Variants in NME7 observed in about 807,000 individuals in gnomAD.
The protein encoded by NME7 is nucleoside diphosphate kinase 7.
In NME7, 41 loss-of-function variants were observed where a neutral mutation model predicts 49.1. The ratio of observed to expected loss-of-function variants is 0.83; its 90% CI spans 0.65 to 1.08. The LOEUF is 1.08. NME7 is among the 50% of genes least tolerant of loss of function. The probability of loss-of-function intolerance (pLI) is 0.00; values close to 1 mark genes in which losing one functional copy is unlikely to be tolerated. For missense variants in NME7, 423 were observed against 463.4 expected (o/e 0.91, Z 0.80); for synonymous variants, 139 against 150.6 (o/e 0.92, Z 0.56).
At chr1:169,311,745 A>G (rs1436898381) in intron 3 of NME7, among the ~76,000 whole-genome samples, 1 of 152,218 alleles carries the variant, frequency 6.6e-6, no homozygotes, top group East Asian at 1.9e-4. Flanking sequence ...AAAATAAAAC[A>G]TGGCAGTAGT....
At chr1:169,252,075 C>T (rs1370503859) in intron 7 of NME7, among the ~76,000 whole-genome samples, 2 of 148,998 alleles carry the variant, frequency 1.3e-5, no homozygotes, top group Non-Finnish European at 3.0e-5. Flanking sequence ...GGTATATACC[C>T]AGTAATGGGA....
intron 10 of NME7, among the ~76,000 whole-genome samples, chr1:169,223,782 T>G (rs1026511924): frequency 4.0e-5 from 6 of 150,286 alleles, no homozygotes; most frequent in African/African-American, 1.2e-4. Context: ...TGCATATATA[T>G]ATATAGAGAG....
At chr1:169,362,250 T>A (rs1202422605) in intron 1 of NME7, among the ~76,000 whole-genome samples, 1 of 152,198 alleles carries the variant, frequency 6.6e-6, no homozygotes. Context: ...CTTTGAGACA[T>A]TTTACTTCAA....
At position 169,354,973 on chromosome 1, in the gene NME7, TTA is replaced by T. The variant is rs1405699668; in HGVS notation, c.3+12733_3+12734del. 1.6e-3 allele frequency among the ~76,000 whole-genome samples: 86 copies of T among 54,610 alleles called. 5 individuals carry two copies. Among genetic ancestry groups the T allele is most frequent in the African/African-American group, 4.4e-3 (85 of 19,278 alleles). 35.8% of individuals were successfully genotyped at this position (54,610 alleles called of 152,430 possible). On this transcript the variant is annotated intron_variant, in intron 1 of 11. Coordinates refer to ENST00000367811, the MANE Select transcript of NME7 (RefSeq NM_013330.5). ...TTATATATGTTTATATATAATATAA[TTA>T]TATATGTTTATATATAATATAATTA... is the stretch of plus-strand genomic sequence containing the variant.
chr1:169,365,493 G>A (rs1653816882), intron 1 of NME7, among the ~76,000 whole-genome samples: 1 of 152,174 alleles, frequency 6.6e-6, no homozygotes, highest in Admixed American at 6.5e-5. Flanking sequence ...AGAAAGAGGA[G>A]GCATACTACC....
chr1:169,155,788 C>T, intron 11 of NME7, among the ~76,000 whole-genome samples: 1 of 147,480 alleles, frequency 6.8e-6, no homozygotes. Context: ...TGAAATGTTC[C>T]AGGTCTGTGA....
intron 7 of NME7, among the ~76,000 whole-genome samples, chr1:169,261,904 C>G (rs1281427450): frequency 7.4e-6 from 1 of 134,376 alleles, no homozygotes; most frequent in Non-Finnish European, 1.8e-5. Context: ...TATCTAGCAT[C>G]TTAGTGTCAC....
intron 11 of NME7, among the ~76,000 whole-genome samples, chr1:169,149,655 T>C (rs1444334378): frequency 6.6e-6 from 1 of 152,242 alleles, no homozygotes; most frequent in Non-Finnish European, 1.5e-5. Flanking sequence ...TACAGTTATG[T>C]TGTGAATGTG....
intron 7 of NME7, among the ~76,000 whole-genome samples, chr1:169,243,141 G>A (rs1018681492): frequency 6.6e-6 from 1 of 152,030 alleles, no homozygotes; most frequent in South Asian, 2.1e-4. Flanking sequence ...CAATTTCATG[G>A]TTCATTATTA....
At chr1:169,341,617 G>C (rs563018711) in intron 1 of NME7, among the ~76,000 whole-genome samples, 1 of 152,150 alleles carries the variant, frequency 6.6e-6, no homozygotes, top group African/African-American at 2.4e-5. Flanking sequence ...AGGGGCACTC[G>C]ATGCCAGCCT....
At chr1:169,309,046 A>G (rs1345453363) in intron 4 of NME7, among the ~76,000 whole-genome samples, 1 of 152,166 alleles carries the variant, frequency 6.6e-6, no homozygotes, top group Admixed American at 6.5e-5. Flanking sequence ...ATCCTTATAT[A>G]TTAAGAAATG....
intron 10 of NME7, among the ~76,000 whole-genome samples, chr1:169,178,759 T>C (rs1659838259): frequency 6.6e-6 from 1 of 151,964 alleles, no homozygotes; most frequent in African/African-American, 2.4e-5. Context: ...TTTACTGCTC[T>C]ATTGAAATTG....
chr1:169,212,882 T>A (rs760783192), intron 10 of NME7, among the ~76,000 whole-genome samples: 1 of 152,046 alleles, frequency 6.6e-6, no homozygotes, highest in African/African-American at 2.4e-5. Flanking sequence ...TCCCACCTCA[T>A]CCTCCCAAGT....
intron 10 of NME7, among the ~76,000 whole-genome samples, chr1:169,173,765 C>T (rs1404351557): frequency 6.6e-6 from 1 of 152,158 alleles, no homozygotes; most frequent in Non-Finnish European, 1.5e-5. Flanking sequence ...GCTGCTTAAA[C>T]TCTGGTGAAG....
intron 7 of NME7, among the ~76,000 whole-genome samples, chr1:169,279,926 T>G (rs1206768926): frequency 6.6e-6 from 1 of 152,242 alleles, no homozygotes; most frequent in Non-Finnish European, 1.5e-5. Context: ...TTAACATACA[T>G]GTGAATCTGT....
At chr1:169,245,895 A>T (rs989556454) in intron 7 of NME7, among the ~76,000 whole-genome samples, 13 of 152,206 alleles carry the variant, frequency 8.5e-5, no homozygotes, top group African/African-American at 3.1e-4. Flanking sequence ...AACCTTAGGC[A>T]TAAAAACCAG....
At chr1:169,308,677 A>G (rs1651272369) in intron 4 of NME7, among the ~76,000 whole-genome samples, 1 of 152,216 alleles carries the variant, frequency 6.6e-6, no homozygotes, top group Non-Finnish European at 1.5e-5. Flanking sequence ...TCTCTAAAAA[A>G]AACTGAAGAG....
At chr1:169,162,496 C>T (rs561061954) in intron 11 of NME7, among the ~76,000 whole-genome samples, 1 of 151,892 alleles carries the variant, frequency 6.6e-6, no homozygotes, top group Admixed American at 6.6e-5. Context: ...AGATAAGAGC[C>T]ACATGTATTC....
chr1:169,244,756 A>G (rs1648239998), intron 7 of NME7, among the ~76,000 whole-genome samples: 1 of 152,270 alleles, frequency 6.6e-6, no homozygotes, highest in Non-Finnish European at 1.5e-5. Flanking sequence ...ACATGTATCT[A>G]TATCAAAAAT....
Sources: allele counts gnomAD v4.1 joint callset (sites outside exome capture counted in the v4.1 genomes callset), GRCh38; gene constraint gnomAD v4.1.1; transcripts MANE v1.5; gene names NCBI Gene and HGNC (gene_info 2026-07-23, HGNC 2026-07-21).